The following CLINT1 variants were observed in gnomAD, a reference collection of about 807,000 sequenced individuals.
CLINT1 encodes the protein clathrin interacting protein localized in the trans-Golgi region.
A neutral mutation model predicts 70.4 loss-of-function variants in CLINT1; 15 were observed. The ratio of observed to expected loss-of-function variants is 0.21; its 90% CI spans 0.14 to 0.33. The LOEUF (loss-of-function observed/expected upper bound fraction) is 0.33. Ranked by LOEUF, CLINT1 falls within the 10% of genes least tolerant of loss-of-function variation. The pLI is 1.00. For missense variants in CLINT1, 615 were observed against 778.1 expected (o/e 0.79, Z 2.49); for synonymous variants, 227 against 254.7 (o/e 0.89, Z 1.04).
At chr5:157,853,857 T>TA (rs2019406340) in intron 1 of CLINT1, among the ~76,000 whole-genome samples, 1 of 151,014 alleles carries the variant, frequency 6.6e-6, no homozygotes, top group South Asian at 2.1e-4. Flanking sequence ...AAGAGGCAGT[T>TA]AAGTGCTTTT....
rs1281625775 is a variant in CLINT1 at position 157,789,393 on chromosome 5, G to A, written c.1501C>T (p.Pro501Ser). ...PGMQPSKPQQ[P>S]SLNTMIQQQN... ...TGCTGAATCATTGTATTCAGTGATGGCTGCTGGGGTTTGGAAGGCTGCATA... is the reference window on the plus strand; with the variant it reads ...TGCTGAATCATTGTATTCAGTGATGACTGCTGGGGTTTGGAAGGCTGCATA... Residue 501 changes from proline (P) to serine (S), a missense_variant, in exon 11 of 12, where the codon CCA (proline) becomes TCA (serine). Around this residue, in one of 2 missense-constraint regions of CLINT1, gnomAD observed 374 missense variants for 409.6 expected, o/e 0.91. Coordinates refer to ENST00000411809, the MANE Select transcript of CLINT1 (RefSeq NM_014666.4). The A allele has an allele frequency of 6.2e-7, 1 of 1,613,980 alleles. No homozygotes were observed. The highest frequency in any genetic ancestry group is 2.2e-5 in the East Asian group (1 of 44,884).
rs143239257 is a variant in CLINT1, at chr5:157,851,418, G to A, written c.41+7512C>T. Among the ~76,000 whole-genome samples, 989 of 152,266 alleles carry A rather than the reference G, an allele frequency of 6.5e-3. 5 individuals carry two copies. Among genetic ancestry groups the A allele is most frequent in the Non-Finnish European group, 0.011 (718 of 68,022 alleles). ...AAACAAATATTCTAGGCCAGGCACA[G>A]TGGCTCACACCTGCAATTCCAGCAT... On this transcript the variant is annotated intron_variant, in intron 1 of 11. Transcript: ENST00000411809.
intron 10 of CLINT1, among the ~76,000 whole-genome samples, chr5:157,790,849 A>T (rs1403825483): frequency 6.6e-6 from 1 of 152,192 alleles, no homozygotes; most frequent in Non-Finnish European, 1.5e-5. Flanking sequence ...GTTTTTCTTT[A>T]TGAAAATGAA....
At chr5:157,818,721 A>G (rs1170694434) in intron 1 of CLINT1, among the ~76,000 whole-genome samples, 1 of 152,162 alleles carries the variant, frequency 6.6e-6, no homozygotes, top group East Asian at 1.9e-4. Context: ...TAATATTTTT[A>G]TATGAAAGAA....
intron 1 of CLINT1, among the ~76,000 whole-genome samples, chr5:157,830,646 T>G (rs2113262296): frequency 6.6e-6 from 1 of 151,556 alleles, no homozygotes. Flanking sequence ...GAGGCCAAGG[T>G]GGGGCGACTG....
intron 11 of CLINT1, 29 bp downstream of exon 11, chr5:157,789,334 A>G (rs768607014): frequency 2.3e-5 from 37 of 1,597,190 alleles, no homozygotes; most frequent in Non-Finnish European, 8.6e-7. Flanking sequence ...CAAGTACACA[A>G]AGAAGTGGGA....
intron 1 of CLINT1, among the ~76,000 whole-genome samples, chr5:157,821,969 C>T (rs1358247029): frequency 5.9e-5 from 9 of 152,216 alleles, no homozygotes; most frequent in Non-Finnish European, 1.3e-4. Context: ...TCACTCTGCA[C>T]AACTCAGCAA....
intron 4 of CLINT1, 131 bp from the exon 5 acceptor site, chr5:157,813,358 G>A (rs1581500352): frequency 3.6e-6 from 3 of 824,194 alleles, no homozygotes; most frequent in Non-Finnish European, 5.4e-6. Flanking sequence ...ATAGAAAGGG[G>A]CAAGTTGTGC....
At chr5:157,813,335 T>C in intron 4 of CLINT1, 108 bp from the exon 5 acceptor site, 1 of 1,050,794 alleles carries the variant, frequency 9.5e-7, no homozygotes. Context: ...GAAACTTCAA[T>C]ATTTAAAAAA....
intron 1 of CLINT1, among the ~76,000 whole-genome samples, chr5:157,831,940 C>G (rs369271691): frequency 6.6e-6 from 1 of 151,992 alleles, no homozygotes; most frequent in South Asian, 2.1e-4. Flanking sequence ...TCCACCCCCG[C>G]CCACCTCGGC....
intron 1 of CLINT1, among the ~76,000 whole-genome samples, chr5:157,850,254 C>T (rs757008433): frequency 1.2e-4 from 19 of 152,290 alleles, no homozygotes; most frequent in Non-Finnish European, 2.6e-4. Flanking sequence ...ATTTTACATG[C>T]TTAGTGAGAA....
chr5:157,805,992 T>C lies in CLINT1; in HGVS notation c.816A>G (p.Thr272=). Residue 272 remains threonine (T), a synonymous_variant, in exon 7 of 12, where the codon ACA becomes ACG. Coordinates refer to ENST00000411809, the MANE Select transcript of CLINT1 (RefSeq NM_014666.4). ...GATTTGCTGTGCGCTTGTGTCTGGT[T>C]GTGGTGGTCTCTGTGGCCTGTGTGA... is the stretch of plus-strand genomic sequence containing the variant. The part of the protein sequence containing the change: ...IHITQATETT[T]TRHKRTANPS... 3.1e-6 allele frequency: 5 copies of C among 1,613,996 alleles called. No individual in the cohort carries two copies. Among genetic ancestry groups the C allele is most frequent in the Non-Finnish European group, 4.2e-6 (5 of 1,179,890 alleles).
Position 157,787,633 on chromosome 5 carries a change from C to G in CLINT1, c.*13G>C, listed in dbSNP as rs764741309. On this transcript the variant is annotated 3_prime_UTR_variant, in exon 12 of 12. Coordinates refer to ENST00000411809, the MANE Select transcript of CLINT1 (RefSeq NM_014666.4). ...TAAAAATTCTTCATTCAATCTGCTT[C>G]TTTTACAATCTCTTATTTGCTAAAA... 2 of 1,609,000 alleles carry G rather than the reference C, an allele frequency of 1.2e-6. No homozygotes were observed. Among genetic ancestry groups the G allele is most frequent in the East Asian group, 2.2e-5 (1 of 44,824 alleles).
intron 8 of CLINT1, 101 bp from the exon 9 acceptor site, chr5:157,795,073 A>G: frequency 1.1e-6 from 1 of 874,528 alleles, no homozygotes; most frequent in East Asian, 2.6e-5. Context: ...CTAATATTAG[A>G]GGCCCAGATG....
chr5:157,827,814 G>C (rs1436080563), intron 1 of CLINT1, among the ~76,000 whole-genome samples: 1 of 152,118 alleles, frequency 6.6e-6, no homozygotes, highest in Non-Finnish European at 1.5e-5. Flanking sequence ...CAAAAGACAA[G>C]GCCATGCTAA....
chr5:157,790,572 T>A, intron 10 of CLINT1: 1 of 443,438 alleles, frequency 2.3e-6, no homozygotes, highest in Non-Finnish European at 4.5e-6. Context: ...ATACATTAGG[T>A]CTTATTTCTG....
At chr5:157,855,850 G>A (rs1043622009) in intron 1 of CLINT1, among the ~76,000 whole-genome samples, 6 of 151,754 alleles carry the variant, frequency 4.0e-5, no homozygotes, top group African/African-American at 9.7e-5. Context: ...CAGGAGACTC[G>A]CTTGAACCCC....
intron 7 of CLINT1, among the ~76,000 whole-genome samples, 164 bp downstream of exon 7, chr5:157,805,702 C>A (rs1054366671): frequency 6.6e-6 from 1 of 152,116 alleles, no homozygotes; most frequent in African/African-American, 2.4e-5. Flanking sequence ...AGGTTTCTCC[C>A]CTCAAAGAGA....
intron 11 of CLINT1, among the ~76,000 whole-genome samples, chr5:157,788,596 C>T (rs938127060): frequency 6.6e-6 from 1 of 152,104 alleles, no homozygotes; most frequent in South Asian, 2.1e-4. Flanking sequence ...TTATTCAACA[C>T]AGGGAAAATG....
Sources: allele counts gnomAD v4.1 joint callset (sites outside exome capture counted in the v4.1 genomes callset), GRCh38; gene constraint gnomAD v4.1.1; regional missense constraint gnomAD v4.1.1; transcripts MANE v1.5; gene names NCBI Gene and HGNC (gene_info 2026-07-23, HGNC 2026-07-21).